The following LMOD1 variants were observed in gnomAD, a reference collection of about 807,000 sequenced individuals.
The protein encoded by LMOD1 is leiomodin-1.
A neutral mutation model predicts 36.5 loss-of-function variants in LMOD1; 8 were observed. The observed-to-expected ratio is 0.22, with a 90% CI of 0.13 to 0.40. The LOEUF is 0.40. Ranked by LOEUF, LMOD1 falls within the 10% of genes least tolerant of loss-of-function variation. LMOD1 has a pLI of 1.00. For missense variants in LMOD1, 630 were observed against 751.1 expected (o/e 0.84, Z 1.88); for synonymous variants, 284 against 288.7 (o/e 0.98, Z 0.17).
intron 1 of LMOD1, among the ~76,000 whole-genome samples, chr1:201,934,416 G>A (rs1681980540): frequency 1.3e-5 from 2 of 152,120 alleles, no homozygotes; most frequent in South Asian, 4.1e-4. Flanking sequence ...TCTCCTAAGT[G>A]ATTACCTGCT....
At chr1:201,909,792 G>C (rs541538172) in intron 1 of LMOD1, among the ~76,000 whole-genome samples, 1 of 152,226 alleles carries the variant, frequency 6.6e-6, no homozygotes, top group African/African-American at 2.4e-5. Context: ...ACTCTACAAC[G>C]CATCCCCATG....
intron 1 of LMOD1, among the ~76,000 whole-genome samples, chr1:201,922,671 G>GTGAATATACTGAATATATATTCACAC (rs1216326119): frequency 4.6e-5 from 7 of 151,560 alleles, no homozygotes; most frequent in East Asian, 1.9e-4. Context: ...GTACAACTTT[G>GTGAATATACTGAATATATATTCACAC]TGAATATACT....
rs1005589474 is a variant in LMOD1, at chr1:201,901,540, A to G, written c.262-789T>C. ...TATATATATATATATGTATATATAT[A>G]TATATATATATACATATATATATGT... On this transcript the variant is annotated intron_variant, in intron 1 of 2. Coordinates refer to ENST00000367288, the MANE Select transcript of LMOD1 (RefSeq NM_012134.3). 9.1e-4 allele frequency among the ~76,000 whole-genome samples: 43 copies of G among 47,362 alleles called. 3 individuals carry two copies. The highest frequency in any genetic ancestry group is 2.8e-3 in the African/African-American group (28 of 10,088). The allele number at this position is 47,362 out of a possible 152,430, so 31.1% of individuals were successfully genotyped here.
chr1:201,908,808 G>T lies in LMOD1; in HGVS notation c.262-8057C>A, dbSNP rs1571577643. 6.6e-5 allele frequency among the ~76,000 whole-genome samples: 10 copies of T among 152,286 alleles called. No individual in the cohort carries two copies. The South Asian group carries it at 2.1e-3, about 32-fold the overall frequency. The stretch of plus-strand genomic sequence containing the variant: ...ACCCACATGGAAACTGTCCGAAATG[G>T]AAGGGAGTCAGGCTCTTCCCACATG... On this transcript the variant is annotated intron_variant, in intron 1 of 2. Coordinates refer to ENST00000367288, the MANE Select transcript of LMOD1 (RefSeq NM_012134.3).
chr1:201,929,052 A>C (rs543033422), intron 1 of LMOD1, among the ~76,000 whole-genome samples: 10 of 151,608 alleles, frequency 6.6e-5, no homozygotes, highest in South Asian at 2.1e-4. Flanking sequence ...TTTAGGGTCT[A>C]TCTGTGGCCC....
chr1:201,919,136 C>T (rs955390867), intron 1 of LMOD1, among the ~76,000 whole-genome samples: 11 of 151,338 alleles, frequency 7.3e-5, no homozygotes, highest in African/African-American at 1.7e-4. Context: ...GCAATCCTCC[C>T]GCCTTGGCCT....
At chr1:201,912,689 T>C (rs1681535008) in intron 1 of LMOD1, among the ~76,000 whole-genome samples, 1 of 151,972 alleles carries the variant, frequency 6.6e-6, no homozygotes, top group Non-Finnish European at 1.5e-5. Context: ...TGAAACCCCA[T>C]CTCTACTAAA....
chr1:201,907,163 A>G, intron 1 of LMOD1, among the ~76,000 whole-genome samples: 1 of 152,220 alleles, frequency 6.6e-6, no homozygotes, highest in South Asian at 2.1e-4. Context: ...ATATGAGCCC[A>G]CTGGGTCTTT....
At position 201,946,088 on chromosome 1, in the gene LMOD1, A is replaced by G; in HGVS notation, c.253T>C (p.Ser85Pro). The change falls in exon 1 of 3, where the codon TCC (serine) becomes CCC (proline). Residue 85 changes from serine to proline, a missense_variant. Transcript: ENST00000367288. Reference protein sequence around the residue: ...ETKKLMQREMSMDESKQVETK... With the variant: ...ETKKLMQREMPMDESKQVETK... ...GGGCTGTGCTCACTCACATCCATGG[A>G]CATCTCCCTCTGCATAAGTTTCTTG... 1 of 1,613,526 alleles carries G rather than the reference A, an allele frequency of 6.2e-7. No homozygotes were observed. The highest frequency in any genetic ancestry group is 1.1e-5 in the South Asian group (1 of 91,062).
chr1:201,924,724 A>AGAAAGAAG (rs1553297966), intron 1 of LMOD1, among the ~76,000 whole-genome samples: 8 of 135,094 alleles, frequency 5.9e-5, no homozygotes, highest in African/African-American at 2.1e-4. Context: ...AAAGAAAGAA[A>AGAAAGAAG]GAAAGAAAAG....
intron 1 of LMOD1, among the ~76,000 whole-genome samples, chr1:201,939,890 T>A (rs1399006331): frequency 6.6e-6 from 1 of 152,096 alleles, no homozygotes; most frequent in Non-Finnish European, 1.5e-5. Flanking sequence ...ACAAAGATAC[T>A]CTAAAGTCTC....
At position 201,900,014 on chromosome 1, in the gene LMOD1, A is replaced by C. The variant is rs756222266; in HGVS notation, c.999T>G (p.Thr333=). Residue 333 remains threonine (T), a synonymous_variant, in exon 2 of 3, where the codon ACT becomes ACG. Coordinates refer to ENST00000367288, the MANE Select transcript of LMOD1 (RefSeq NM_012134.3). ...ERVKNNDPEM[T]EVNVNNSDCI... Reference sequence around the variant, plus strand: ...AGTCTGAGTTGTTGACGTTCACCTCAGTCATCTCGGGGTCATTGTTCTTCA... The same window carrying C: ...AGTCTGAGTTGTTGACGTTCACCTCCGTCATCTCGGGGTCATTGTTCTTCA... The C allele has an allele frequency of 6.2e-7, 1 of 1,613,408 alleles. No homozygotes were observed. Among genetic ancestry groups the C allele is most frequent in the African/African-American group, 1.3e-5 (1 of 74,772 alleles).
At chr1:201,928,829 C>T (rs780294669) in intron 1 of LMOD1, among the ~76,000 whole-genome samples, 1 of 151,678 alleles carries the variant, frequency 6.6e-6, no homozygotes, top group Non-Finnish European at 1.5e-5. Flanking sequence ...AATTCTCATG[C>T]CTCAGCCTCC....
At chr1:201,933,570 T>TATATATA (rs1369496256) in intron 1 of LMOD1, among the ~76,000 whole-genome samples, 1 of 137,584 alleles carries the variant, frequency 7.3e-6, no homozygotes, top group Admixed American at 7.7e-5. Context: ...CATATATATA[T>TATATATA]TATATATGTA....
At chr1:201,917,343 G>A (rs1228546814) in intron 1 of LMOD1, among the ~76,000 whole-genome samples, 2 of 152,240 alleles carry the variant, frequency 1.3e-5, no homozygotes. Context: ...TACCACCAAG[G>A]CTTCTGCATT....
At position 201,899,178 on chromosome 1, in the gene LMOD1, C is replaced by T; in HGVS notation, c.1776+59G>A. On this transcript the variant is annotated intron_variant, in intron 2 of 2. Coordinates refer to ENST00000367288, the MANE Select transcript of LMOD1 (RefSeq NM_012134.3). This position sits in a 1 kb window ranked among gnomAD's most constrained non-coding sequence, Gnocchi z 6.3. Reference sequence around the variant, plus strand: ...GCATGCCTTCCCTTTTGCAGTCCTACCCTCTCCTCCAGGCCCTACCCAGCC... The same window carrying T: ...GCATGCCTTCCCTTTTGCAGTCCTATCCTCTCCTCCAGGCCCTACCCAGCC... 4 of 1,459,858 alleles carry T rather than the reference C, an allele frequency of 2.7e-6. No individual in the cohort carries two copies. Among genetic ancestry groups the T allele is most frequent in the Non-Finnish European group, 3.7e-6 (4 of 1,087,538 alleles). 90.4% of individuals were successfully genotyped at this position (1,459,858 alleles called of 1,614,324 possible).
At chr1:201,936,142 C>T (rs1443602900) in intron 1 of LMOD1, among the ~76,000 whole-genome samples, 2 of 148,776 alleles carry the variant, frequency 1.3e-5, no homozygotes, top group Non-Finnish European at 3.0e-5. Context: ...CACCCAATAG[C>T]TTAGGCAGTA....
At chr1:201,926,646 C>A (rs966006440) in intron 1 of LMOD1, among the ~76,000 whole-genome samples, 5 of 152,146 alleles carry the variant, frequency 3.3e-5, no homozygotes, top group Non-Finnish European at 7.4e-5. Context: ...GTAGGGAACA[C>A]AATTTATGTG....
chr1:201,938,882 G>A (rs955250815), intron 1 of LMOD1, among the ~76,000 whole-genome samples: 1 of 152,200 alleles, frequency 6.6e-6, no homozygotes, highest in Non-Finnish European at 1.5e-5. Context: ...GCTTTTCTGA[G>A]CTTGTGCTGG....
Sources: gnomAD v4.1 joint callset for allele counts (sites outside exome capture counted in the v4.1 genomes callset) on GRCh38, gnomAD v4.1.1 for gene constraint, Gnocchi (gnomAD v3.1) non-coding constraint, MANE v1.5 for transcripts, NCBI Gene and HGNC (gene_info 2026-07-23, HGNC 2026-07-21) for gene names.